ADAMTS6: variants seen among roughly 807,000 people sequenced by gnomAD.
The protein encoded by ADAMTS6 is ADAM metallopeptidase with thrombospondin type 1 motif 6.
In ADAMTS6, 23 loss-of-function variants were observed where a neutral mutation model predicts 144.3. That is an observed-to-expected ratio of 0.16 (90% CI 0.11 to 0.23). The LOEUF (loss-of-function observed/expected upper bound fraction) is 0.23. Ranked by LOEUF, ADAMTS6 falls within the 10% of genes least tolerant of loss-of-function variation. ADAMTS6 has a pLI of 1.00. For synonymous variants in ADAMTS6, 444 were observed against 457.5 expected (o/e 0.97, Z 0.38); for missense variants, 999 against 1,379.6 (o/e 0.72, Z 4.37).
intron 7 of ADAMTS6, among the ~76,000 whole-genome samples, chr5:65,411,386 A>G (rs559023377): frequency 6.6e-6 from 1 of 152,274 alleles, no homozygotes; most frequent in African/African-American, 2.4e-5. Flanking sequence ...TAGTGCCTAT[A>G]CAGCTTTCTT....
chr5:65,306,694 C>CCACATCTT (rs1299365680), intron 9 of ADAMTS6, among the ~76,000 whole-genome samples: 2 of 152,112 alleles, frequency 1.3e-5, no homozygotes, highest in Non-Finnish European at 2.9e-5. Flanking sequence ...CCTATCTGCA[C>CCACATCTT]CACATCTTCA....
At chr5:65,232,125 AAAC>A (rs529497786) in intron 15 of ADAMTS6, among the ~76,000 whole-genome samples, 3 of 152,092 alleles carry the variant, frequency 2.0e-5, no homozygotes, top group Admixed American at 6.6e-5. Context: ...ACAAACAAAC[AAAC>A]AACAACAACA....
At chr5:65,373,611 A>T (rs1561476516) in intron 7 of ADAMTS6, among the ~76,000 whole-genome samples, 1 of 152,162 alleles carries the variant, frequency 6.6e-6, no homozygotes, top group African/African-American at 2.4e-5. Flanking sequence ...TTGTGGCAAT[A>T]ATCAATAGCT....
intron 12 of ADAMTS6, 138 bp downstream of exon 12, chr5:65,273,202 A>T: frequency 1.4e-6 from 1 of 724,538 alleles, no homozygotes; most frequent in Non-Finnish European, 2.3e-6. Context: ...TATGACAATT[A>T]ACCTATTGTT....
At chr5:65,444,347 CAA>C (rs1758102955) in intron 7 of ADAMTS6, among the ~76,000 whole-genome samples, 2 of 152,036 alleles carry the variant, frequency 1.3e-5, no homozygotes, top group Non-Finnish European at 2.9e-5. Context: ...GCTTGGGAGA[CAA>C]GAGAGAGACT....
chr5:65,155,402 A>T (rs1485509017), intron 24 of ADAMTS6, among the ~76,000 whole-genome samples: 1 of 152,206 alleles, frequency 6.6e-6, no homozygotes, highest in Non-Finnish European at 1.5e-5. Context: ...TACATGGTAT[A>T]GCCTATTGCT....
intron 18 of ADAMTS6, 30 bp downstream of exon 18, chr5:65,224,290 C>A: frequency 6.3e-7 from 1 of 1,584,918 alleles, no homozygotes; most frequent in Non-Finnish European, 8.7e-7. Flanking sequence ...CTTTTAAAAT[C>A]CAGCAAACTA....
chr5:65,310,165 T>C (rs999297340), intron 9 of ADAMTS6, among the ~76,000 whole-genome samples: 1 of 151,778 alleles, frequency 6.6e-6, no homozygotes, highest in African/African-American at 2.4e-5. Context: ...CACTTCCCCT[T>C]TGCCTTCCTC....
intron 7 of ADAMTS6, among the ~76,000 whole-genome samples, chr5:65,410,140 CA>C (rs1360968522): frequency 2.0e-5 from 3 of 152,104 alleles, no homozygotes; most frequent in African/African-American, 7.2e-5. Context: ...GAAAACACAT[CA>C]AAAAGAAAAG....
chr5:65,315,007 G>A (rs1309876229), intron 9 of ADAMTS6, among the ~76,000 whole-genome samples: 1 of 151,980 alleles, frequency 6.6e-6, no homozygotes, highest in East Asian at 1.9e-4. Context: ...CAACTATTAT[G>A]TATCTATAAA....
intron 1 of ADAMTS6, among the ~76,000 whole-genome samples, chr5:65,474,915 A>T (rs1347991878): frequency 6.6e-6 from 1 of 151,958 alleles, no homozygotes; most frequent in Non-Finnish European, 1.5e-5. Context: ...TATTGTATGT[A>T]TAACTGTGTT....
Position 65,214,739 on chromosome 5 carries a change from A to G in ADAMTS6, c.2575+55T>C. On this transcript the variant is annotated intron_variant, in intron 20 of 24. Transcript: ENST00000381055. The surrounding 1 kb of genome is among the most constrained non-coding windows in gnomAD (Gnocchi z 4.6). ...TAACAAACACAAAGCATAGCTCAGA[A>G]TGTGTTTTGTTCTCCATCTTGCCCT... 1 of 1,610,904 alleles carries G rather than the reference A, an allele frequency of 6.2e-7. No homozygotes were observed.
At chr5:65,433,914 C>G (rs1419805768) in intron 7 of ADAMTS6, among the ~76,000 whole-genome samples, 1 of 152,136 alleles carries the variant, frequency 6.6e-6, no homozygotes, top group Admixed American at 6.6e-5. Flanking sequence ...GGTATATACT[C>G]AAGAGAAATG....
chr5:65,277,879 TG>T (rs1762677767), intron 11 of ADAMTS6, among the ~76,000 whole-genome samples: 2 of 152,288 alleles, frequency 1.3e-5, no homozygotes, highest in South Asian at 4.1e-4. Context: ...AGTGGTTTTT[TG>T]TTACATGGAT....
intron 22 of ADAMTS6, among the ~76,000 whole-genome samples, chr5:65,179,901 A>G (rs1754230177): frequency 6.6e-6 from 1 of 151,878 alleles, no homozygotes; most frequent in South Asian, 2.1e-4. Flanking sequence ...AAATTACTCC[A>G]TTTGTTTCAT....
intron 10 of ADAMTS6, among the ~76,000 whole-genome samples, chr5:65,299,309 C>G (rs1017047004): frequency 2.6e-5 from 4 of 152,098 alleles, no homozygotes; most frequent in African/African-American, 7.2e-5. Flanking sequence ...AAGGAACACG[C>G]ACTTAGAAAG....
At chr5:65,337,811 T>C (rs190065591) in intron 7 of ADAMTS6, among the ~76,000 whole-genome samples, 1 of 152,286 alleles carries the variant, frequency 6.6e-6, no homozygotes, top group East Asian at 1.9e-4. Flanking sequence ...TTCCTCCAGA[T>C]CCAAGCCACT....
At chr5:65,421,376 T>C (rs987275263) in intron 7 of ADAMTS6, among the ~76,000 whole-genome samples, 1 of 152,214 alleles carries the variant, frequency 6.6e-6, no homozygotes, top group South Asian at 2.1e-4. Flanking sequence ...CTCTATTTAA[T>C]GAGGCTAAAG....
chr5:65,171,828 T>C (rs889952923), intron 23 of ADAMTS6, among the ~76,000 whole-genome samples: 2 of 152,146 alleles, frequency 1.3e-5, no homozygotes, highest in African/African-American at 4.8e-5. Context: ...GCATCTACTC[T>C]GGGATTCAGT....
Sources: gnomAD v4.1 joint callset for allele counts (sites outside exome capture counted in the v4.1 genomes callset) on GRCh38, gnomAD v4.1.1 for gene constraint, Gnocchi (gnomAD v3.1) non-coding constraint, MANE v1.5 for transcripts, NCBI Gene and HGNC (gene_info 2026-07-23, HGNC 2026-07-21) for gene names.